SYN2: variants seen among roughly 807,000 people sequenced by gnomAD.
SYN2 encodes synapsin II.
SYN2 carries 19 observed loss-of-function variants against 50.9 expected under a neutral mutation model. The ratio of observed to expected loss-of-function variants is 0.37; its 90% CI spans 0.26 to 0.55. The LOEUF (loss-of-function observed/expected upper bound fraction) is 0.55, where lower values mean the gene tolerates loss of function less well. Ranked by LOEUF, SYN2 falls within the 20% of genes least tolerant of loss-of-function variation. The pLI is 0.81. For missense variants in SYN2, 587 were observed against 576.4 expected (o/e 1.02, Z -0.19); for synonymous variants, 255 against 224.9 (o/e 1.13, Z -1.20).
intron 10 of SYN2, among the ~76,000 whole-genome samples, chr3:12,172,975 A>T (rs541947433): frequency 2.0e-5 from 3 of 152,252 alleles, no homozygotes; most frequent in Non-Finnish European, 4.4e-5. Context: ...ACTAACATGG[A>T]AATGCAGAGT....
At position 12,004,545 on chromosome 3, in the gene SYN2, A is replaced by G; in HGVS notation, c.-7A>G. 1 of 640,380 alleles carries G rather than the reference A, an allele frequency of 1.6e-6. No individual in the cohort carries two copies. Among genetic ancestry groups the G allele is most frequent in the Non-Finnish European group, 2.9e-6 (1 of 343,844 alleles). The allele number at this position is 640,380 out of a possible 1,614,324, so 39.7% of individuals were successfully genotyped here. A position where few individuals can be genotyped will look rare whatever the true frequency, so the allele number is the denominator to read the frequency against. On this transcript the variant is annotated 5_prime_UTR_variant, in exon 1 of 13. Transcript: ENST00000621198. ...TAGCCCCGCGCGCCCCCAGCCCTTTAAGCCAGATGATGAACTTCCTGCGGC... is the reference window on the plus strand; with the variant it reads ...TAGCCCCGCGCGCCCCCAGCCCTTTGAGCCAGATGATGAACTTCCTGCGGC...
At chr3:12,047,900 C>G (rs1694774919) in intron 1 of SYN2, among the ~76,000 whole-genome samples, 1 of 152,138 alleles carries the variant, frequency 6.6e-6, no homozygotes, top group Admixed American at 6.5e-5. Flanking sequence ...GTAAACCATT[C>G]AGATTTAAGA....
chr3:12,108,582 T>C (rs913382101), intron 1 of SYN2, among the ~76,000 whole-genome samples: 1 of 152,218 alleles, frequency 6.6e-6, no homozygotes, highest in African/African-American at 2.4e-5. Flanking sequence ...AGATAGTTGC[T>C]TTTTCCACCT....
At chr3:12,015,400 A>G (rs182541904) in intron 1 of SYN2, among the ~76,000 whole-genome samples, 21 of 152,322 alleles carry the variant, frequency 1.4e-4, no homozygotes, top group Non-Finnish European at 2.5e-4. Context: ...TCTCCAGGAC[A>G]AAGAAAGTTT....
chr3:12,181,697 C>A (rs1378665119), intron 10 of SYN2, among the ~76,000 whole-genome samples: 2 of 151,972 alleles, frequency 1.3e-5, no homozygotes, highest in Non-Finnish European at 2.9e-5. Flanking sequence ...AATAGGTAGC[C>A]CCAGAGAAGA....
intron 3 of SYN2, among the ~76,000 whole-genome samples, chr3:12,144,744 G>A (rs1697105698): frequency 6.6e-6 from 1 of 151,314 alleles, no homozygotes; most frequent in South Asian, 2.1e-4. Context: ...ATATTGGCCA[G>A]GCGTGGTGGC....
At chr3:12,177,782 A>G (rs1326217826) in intron 10 of SYN2, among the ~76,000 whole-genome samples, 3 of 152,168 alleles carry the variant, frequency 2.0e-5, no homozygotes, top group Non-Finnish European at 4.4e-5. Flanking sequence ...GACATCTTTA[A>G]TCATTTGAAG....
intron 10 of SYN2, among the ~76,000 whole-genome samples, chr3:12,177,736 A>C (rs1479795990): frequency 1.3e-5 from 2 of 152,188 alleles, no homozygotes; most frequent in Non-Finnish European, 2.9e-5. Flanking sequence ...CTATTAAGAG[A>C]AACTAACTAT....
At chr3:12,181,299 G>GC (rs1698214600) in intron 10 of SYN2, among the ~76,000 whole-genome samples, 1 of 152,242 alleles carries the variant, frequency 6.6e-6, no homozygotes, top group African/African-American at 2.4e-5. Flanking sequence ...TGGGCATGAG[G>GC]CCCTGGGGGA....
chr3:12,179,385 A>G (rs1241081420), intron 10 of SYN2, among the ~76,000 whole-genome samples: 1 of 151,366 alleles, frequency 6.6e-6, no homozygotes, highest in African/African-American at 2.4e-5. Flanking sequence ...AAAAAAAAAA[A>G]AAAAAAAAAA....
intron 1 of SYN2, among the ~76,000 whole-genome samples, chr3:12,049,988 C>G (rs2125153960): frequency 6.6e-6 from 1 of 152,278 alleles, no homozygotes; most frequent in African/African-American, 2.4e-5. Context: ...CAACCTCCAC[C>G]TCCAGGATTC....
chr3:12,155,762 T>G (rs1697437786), intron 5 of SYN2, among the ~76,000 whole-genome samples: 1 of 152,192 alleles, frequency 6.6e-6, no homozygotes, highest in South Asian at 2.1e-4. Flanking sequence ...GGAACATGTT[T>G]CCTCATTTCC....
In SYN2 at chr3:12,145,807, T is replaced by C. The variant is rs759716194; in HGVS notation, c.656T>C (p.Ile219Thr). Residue 219 changes from isoleucine to threonine, a missense_variant, in exon 4 of 13, where the codon ATA becomes ACA. Ile to Thr is a moderately conservative substitution (Grantham distance 89). Transcript: ENST00000621198. ...CCCAGCATCAACTCACTGGAATCCA[T>C]ATACAACTTCTGTGACAAGCCATGG... Reference protein sequence around the residue: ...GLPSINSLESIYNFCDKPWVF... With the variant: ...GLPSINSLESTYNFCDKPWVF... The C allele has an allele frequency of 3.8e-5, 61 of 1,613,816 alleles. No individual in the cohort carries two copies. Among genetic ancestry groups the C allele is most frequent in the Middle Eastern group, 3.3e-4 (2 of 6,072 alleles).
chr3:12,162,584 G>GT (rs1697680393), intron 7 of SYN2, among the ~76,000 whole-genome samples: 1 of 152,114 alleles, frequency 6.6e-6, no homozygotes, highest in South Asian at 2.1e-4. Flanking sequence ...TCACAGATTT[G>GT]TTTAATATTT....
chr3:12,035,632 G>A (rs1460228442), intron 1 of SYN2, among the ~76,000 whole-genome samples: 1 of 152,226 alleles, frequency 6.6e-6, no homozygotes, highest in Non-Finnish European at 1.5e-5. Context: ...ACCGGAAAAG[G>A]TGGGGCATCT....
At chr3:12,072,453 T>G (rs1322284407) in intron 1 of SYN2, among the ~76,000 whole-genome samples, 2 of 152,258 alleles carry the variant, frequency 1.3e-5, no homozygotes, top group Non-Finnish European at 1.5e-5. Flanking sequence ...TTTATAGATT[T>G]AGCTCTTACA....
chr3:12,008,124 T>G (rs1190517592), intron 1 of SYN2, among the ~76,000 whole-genome samples: 1 of 152,214 alleles, frequency 6.6e-6, no homozygotes, highest in Non-Finnish European at 1.5e-5. Context: ...ATGTTGTTTC[T>G]TCTGTGTGTT....
chr3:12,107,418 T>C (rs1328945579), intron 1 of SYN2, among the ~76,000 whole-genome samples: 1 of 152,196 alleles, frequency 6.6e-6, no homozygotes, highest in African/African-American at 2.4e-5. Flanking sequence ...CGGTCCTTAT[T>C]GATGATCTGC....
intron 10 of SYN2, among the ~76,000 whole-genome samples, chr3:12,175,191 A>G (rs1286904114): frequency 1.3e-5 from 2 of 152,214 alleles, no homozygotes; most frequent in African/African-American, 4.8e-5. Flanking sequence ...TCTTCCCACC[A>G]AGCAAACCAC....
Sources: gnomAD v4.1 joint callset for allele counts (sites outside exome capture counted in the v4.1 genomes callset) on GRCh38, gnomAD v4.1.1 for gene constraint, MANE v1.5 for transcripts, NCBI Gene and HGNC (gene_info 2026-07-23, HGNC 2026-07-21) for gene names.